Variants in HOOK2 observed in about 807,000 individuals in gnomAD.
HOOK2 encodes hook microtubule tethering protein 2.
HOOK2 carries 108 observed loss-of-function variants against 111.9 expected under a neutral mutation model. That is an observed-to-expected ratio of 0.96 (90% CI 0.83 to 1.13). The LOEUF (loss-of-function observed/expected upper bound fraction) is 1.13. HOOK2 is among the 50% of genes most tolerant of loss of function. HOOK2 has a pLI of 0.00. For missense variants in HOOK2, 978 were observed against 951.3 expected (o/e 1.03, Z -0.37); for synonymous variants, 405 against 394.3 (o/e 1.03, Z -0.32).
Position 12,791,047 on chromosome 19 carries a change from G to C in HOOK2, n.42-16822C>G, listed in dbSNP as rs1488217896. Among the ~76,000 whole-genome samples the C allele has an allele frequency of 6.6e-6, 1 of 152,250 alleles. No homozygotes were observed. The highest frequency in any genetic ancestry group is 1.9e-4 in the East Asian group (1 of 5,176). On this transcript the variant is annotated intron_variant and non_coding_transcript_variant, in intron 3 of 3. Transcript: ENST00000589765. The surrounding 1 kb of genome is among the most constrained non-coding windows in gnomAD (Gnocchi z 7.0). ...TTTACAGTGCTTAACCCTCATTTCT[G>C]CTTTTTGGGGTCTCCCAATGGATTG...
At chr19:12,771,745 G>T in intron 7 of HOOK2, 1 of 476,814 alleles carries the variant, frequency 2.1e-6, no homozygotes, top group Non-Finnish European at 3.8e-6. Flanking sequence ...AGCCGGGTGT[G>T]GTGGCGTGTG....
At position 12,786,580 on chromosome 19, in the gene HOOK2, G is replaced by A. The variant is rs1024492065; in HGVS notation, n.42-12355C>T. Among the ~76,000 whole-genome samples the A allele has an allele frequency of 8.5e-5, 13 of 152,128 alleles. No homozygotes were observed. Among genetic ancestry groups the A allele is most frequent in the Non-Finnish European group, 1.0e-4 (7 of 67,996 alleles). ...GCAGTACCCAGCTGCCAGTCTGGAC[G>A]CTCAGGCCAGTTGGGGGAGGGGGCT... On this transcript the variant is annotated intron_variant and non_coding_transcript_variant, in intron 3 of 3. Transcript: ENST00000589765. This position sits in a 1 kb window ranked among gnomAD's most constrained non-coding sequence, Gnocchi z 4.3.
intron 20 of HOOK2, chr19:12,764,516 G>C (rs1051106800): frequency 2.0e-4 from 65 of 326,040 alleles, no homozygotes; most frequent in Non-Finnish European, 3.0e-4. Flanking sequence ...TTTTAGTAGA[G>C]ATGGGGTTTC....
At chr19:12,783,314 C>G (rs916878525), upstream of HOOK2, among the ~76,000 whole-genome samples, 12 of 150,976 alleles carry the variant, frequency 7.9e-5, no homozygotes, top group African/African-American at 2.9e-4. Flanking sequence ...GCGCCCCCCC[C>G]AACTCCGCCT....
At position 12,790,395 on chromosome 19, in the gene HOOK2, C is replaced by T. The variant is rs1216031665; in HGVS notation, n.42-16170G>A. Among the ~76,000 whole-genome samples, 2 of 151,958 alleles carry T rather than the reference C, an allele frequency of 1.3e-5. No individual in the cohort carries two copies. The highest frequency in any genetic ancestry group is 4.8e-5 in the African/African-American group (2 of 41,366). ...AAGGAAGGGAGTGGGGTTGGGCGACCGCGCCCCAGCCGTCGGGCTGGGTCC... is the reference window on the plus strand; with the variant it reads ...AAGGAAGGGAGTGGGGTTGGGCGACTGCGCCCCAGCCGTCGGGCTGGGTCC... On this transcript the variant is annotated intron_variant and non_coding_transcript_variant, in intron 3 of 3. Coordinates refer to the HOOK2 transcript ENST00000589765. The surrounding 1 kb of genome is among the most constrained non-coding windows in gnomAD (Gnocchi z 7.2).
chr19:12,768,472 C>T lies in HOOK2; in HGVS notation c.1105-349G>A, dbSNP rs141281324. Among the ~76,000 whole-genome samples the T allele has an allele frequency of 1.0e-3, 158 of 152,122 alleles. 1 individual carries two copies. The highest frequency in any genetic ancestry group is 3.6e-3 in the African/African-American group (148 of 41,498). On this transcript the variant is annotated intron_variant, in intron 11 of 22. Coordinates refer to ENST00000397668, the MANE Select transcript of HOOK2 (RefSeq NM_013312.3). ...CAATGAATTAGTCTTCAATAAATTGCGTTATATAGTCAACGCTTTATTATA... is the reference window on the plus strand; with the variant it reads ...CAATGAATTAGTCTTCAATAAATTGTGTTATATAGTCAACGCTTTATTATA...
intron 1 of HOOK2, 121 bp downstream of exon 1, chr19:12,775,284 A>T (rs1968465718): frequency 6.7e-7 from 1 of 1,486,022 alleles, no homozygotes; most frequent in African/African-American, 1.4e-5. Context: ...CCAACGGTCC[A>T]GCAAGTCGAC....
intron 3 of HOOK2, among the ~76,000 whole-genome samples, chr19:12,773,770 T>C (rs1968408062): frequency 6.6e-6 from 1 of 152,226 alleles, no homozygotes. Flanking sequence ...GCTAAAACCC[T>C]GCCTTGACTT....
rs150890140 is a variant in HOOK2 at position 12,786,622 on chromosome 19, C to T, written n.42-12397G>A. On this transcript the variant is annotated intron_variant and non_coding_transcript_variant, in intron 3 of 3. Coordinates refer to the HOOK2 transcript ENST00000589765. The surrounding 1 kb of genome is among the most constrained non-coding windows in gnomAD (Gnocchi z 4.3). ...GAGGGGGCTGTTCTCCCACCCTCCT[C>T]GTGGGGCCGGCCTGGCGCCAGTGGG... is the stretch of plus-strand genomic sequence containing the variant. 2.6e-5 allele frequency among the ~76,000 whole-genome samples: 4 copies of T among 152,258 alleles called. 1 individual carries two copies. Among genetic ancestry groups the T allele is most frequent in the Admixed American group, 1.3e-4 (2 of 15,302 alleles).
Position 12,771,206 on chromosome 19 carries a change from C to T in HOOK2, c.714G>A (p.Leu238=). The T allele has an allele frequency of 6.2e-7, 1 of 1,612,684 alleles. No homozygotes were observed. The highest frequency in any genetic ancestry group is 1.1e-5 in the South Asian group (1 of 90,740). Residue 238 remains leucine, a synonymous_variant, in exon 9 of 23, where the codon CTG becomes CTA. Transcript: ENST00000397668. ...GCTCCAGCTGGGATTGCAGCAGCAG[C>T]AGCTTCTTGGCAGTGAGACCTGGGG... The part of the protein sequence containing the change: ...EGTPGLTAKK[L]LLLQSQLEQL...
At chr19:12,787,876 GAA>G (rs1483378554) in intron 3 of HOOK2, among the ~76,000 whole-genome samples, 1 of 151,672 alleles carries the variant, frequency 6.6e-6, no homozygotes, top group Non-Finnish European at 1.5e-5. Flanking sequence ...CCAATATGGT[GAA>G]ACCCCGTCTG....
chr19:12,767,103 G>C (rs1192732039), intron 14 of HOOK2, among the ~76,000 whole-genome samples: 1 of 152,164 alleles, frequency 6.6e-6, no homozygotes, highest in South Asian at 2.1e-4. Flanking sequence ...AGGGGTGGAC[G>C]CTGGGGGAAA....
chr19:12,777,771 G>C (rs541451704), upstream of HOOK2, among the ~76,000 whole-genome samples: 3 of 152,388 alleles, frequency 2.0e-5, no homozygotes, highest in South Asian at 4.1e-4. Context: ...CGCGGCCTAG[G>C]GGGAAGACTG....
upstream of HOOK2, among the ~76,000 whole-genome samples, chr19:12,779,636 G>A (rs1405359764): frequency 6.6e-6 from 1 of 152,180 alleles, no homozygotes; most frequent in African/African-American, 2.4e-5. Context: ...GATTTCAGGC[G>A]TGAGCCACGG....
chr19:12,791,252 A>C lies in HOOK2; in HGVS notation n.42-17027T>G, dbSNP rs1968708814. ...CCTGGGCCCCCCAGCACCTCCTTCCATGCGTACCCCGAGGTCCTTTGAGCC... is the reference window on the plus strand; with the variant it reads ...CCTGGGCCCCCCAGCACCTCCTTCCCTGCGTACCCCGAGGTCCTTTGAGCC... On this transcript the variant is annotated intron_variant and non_coding_transcript_variant, in intron 3 of 3. Coordinates refer to the HOOK2 transcript ENST00000589765. This position sits in a 1 kb window ranked among gnomAD's most constrained non-coding sequence, Gnocchi z 7.0. Among the ~76,000 whole-genome samples, 1 of 151,796 alleles carries C rather than the reference A, an allele frequency of 6.6e-6. No individual in the cohort carries two copies.
rs1968656498 is a variant in HOOK2 at position 12,786,365 on chromosome 19, G to C, written n.42-12140C>G. Reference sequence around the variant, plus strand: ...CACTGGTCAGTGGGGCCAGCAGGGAGGGGGGTCACCGGGCTATTTATAAGA... The same window carrying C: ...CACTGGTCAGTGGGGCCAGCAGGGACGGGGGTCACCGGGCTATTTATAAGA... On this transcript the variant is annotated intron_variant and non_coding_transcript_variant, in intron 3 of 3. Transcript: ENST00000589765. The surrounding 1 kb of genome is among the most constrained non-coding windows in gnomAD (Gnocchi z 4.3). Among the ~76,000 whole-genome samples, 1 of 152,158 alleles carries C rather than the reference G, an allele frequency of 6.6e-6. No individual in the cohort carries two copies. Among genetic ancestry groups the C allele is most frequent in the Non-Finnish European group, 1.5e-5 (1 of 67,990 alleles).
chr19:12,765,675 C>T lies in HOOK2; in HGVS notation c.1640+15G>A. ...TCCATGCCCCCACGAGGAGTTCCCT[C>T]TTTCTGCGACTTACAAATGTTCCTC... On this transcript the variant is annotated intron_variant, in intron 18 of 22. Coordinates refer to ENST00000397668, the MANE Select transcript of HOOK2 (RefSeq NM_013312.3). 1 of 1,614,138 alleles carries T rather than the reference C, an allele frequency of 6.2e-7. No individual in the cohort carries two copies. The highest frequency in any genetic ancestry group is 8.5e-7 in the Non-Finnish European group (1 of 1,180,016).
intron 3 of HOOK2, 48 bp downstream of exon 3, chr19:12,774,620 TG>T: frequency 6.3e-7 from 1 of 1,588,712 alleles, no homozygotes; most frequent in Non-Finnish European, 8.6e-7. Context: ...GGCCCGTCCC[TG>T]GTCATCTCTT....
chr19:12,763,305 G>C lies in HOOK2; in HGVS notation c.2137C>G (p.Leu713Val). ...TGTCAGTGCTTGTCAGTGGGGCGAA[G>C]GTTCAGAGATGCCAGGCGTCCCAAG... ...GPLGRLASLNLRPTDKH is the reference protein window; with the variant it reads ...GPLGRLASLNVRPTDKH The change falls in exon 23 of 23, where the codon CTT (leucine) becomes GTT (valine). Residue 713 changes from leucine (L) to valine (V), a missense_variant. Around this residue, in one of 5 missense-constraint regions of HOOK2, gnomAD observed 277 missense variants for 265.8 expected, o/e 1.04. Coordinates refer to ENST00000397668, the MANE Select transcript of HOOK2 (RefSeq NM_013312.3). 1 of 1,613,876 alleles carries C rather than the reference G, an allele frequency of 6.2e-7. No homozygotes were observed. The highest frequency in any genetic ancestry group is 1.7e-5 in the Admixed American group (1 of 60,012).
Sources: gnomAD v4.1 joint callset for allele counts (sites outside exome capture counted in the v4.1 genomes callset) on GRCh38, gnomAD v4.1.1 for gene constraint, gnomAD v4.1.1 regional missense constraint, Gnocchi (gnomAD v3.1) non-coding constraint, MANE v1.5 for transcripts, NCBI Gene and HGNC (gene_info 2026-07-23, HGNC 2026-07-21) for gene names.